VIT: variants seen among roughly 807,000 people sequenced by gnomAD.
VIT encodes vitrin.
In VIT, 99 loss-of-function variants were observed where a neutral mutation model predicts 78.0. The observed-to-expected ratio is 1.27, with a 90% CI of 1.08 to 1.50. VIT has a LOEUF of 1.50. Ranked by LOEUF, VIT falls within the 40% of genes most tolerant of loss-of-function variation. The probability of loss-of-function intolerance (pLI) is 0.00; values close to 1 mark genes in which losing one functional copy is unlikely to be tolerated. For missense variants in VIT, 1,126 were observed against 875.3 expected (o/e 1.29, Z -3.61); for synonymous variants, 374 against 334.3 (o/e 1.12, Z -1.29).
chr2:36,740,772 GAA>G (rs1197806146), intron 3 of VIT, among the ~76,000 whole-genome samples: 1 of 152,192 alleles, frequency 6.6e-6, no homozygotes, highest in Non-Finnish European at 1.5e-5. Context: ...AGAAAGGAGG[GAA>G]AATTGATTAG....
chr2:36,754,885 T>C (rs113917406), intron 4 of VIT, 36 bp from the exon 5 acceptor site: 1 of 1,598,598 alleles, frequency 6.3e-7, no homozygotes, highest in East Asian at 2.3e-5. Context: ...AAAATATTTC[T>C]GTTCTTTCCT....
chr2:36,737,277 G>T (rs1429656307), intron 3 of VIT, among the ~76,000 whole-genome samples: 1 of 152,174 alleles, frequency 6.6e-6, no homozygotes, highest in Non-Finnish European at 1.5e-5. Flanking sequence ...GGCAAGGTTG[G>T]GTTTAAGCAC....
chr2:36,790,595 G>C (rs1344881881), intron 12 of VIT, among the ~76,000 whole-genome samples: 2 of 152,322 alleles, frequency 1.3e-5, no homozygotes, highest in East Asian at 3.9e-4. Context: ...TTTTGATACA[G>C]AGTCAGAGAG....
chr2:36,783,190 T>G (rs1184505637), intron 10 of VIT, 150 bp from the exon 11 acceptor site: 4 of 583,334 alleles, frequency 6.9e-6, no homozygotes, highest in Non-Finnish European at 6.1e-6. Flanking sequence ...ATTATTTTTC[T>G]CAGGATGGGG....
At chr2:36,719,240 T>C (rs2148457452) in intron 2 of VIT, among the ~76,000 whole-genome samples, 1 of 152,264 alleles carries the variant, frequency 6.6e-6, no homozygotes, top group African/African-American at 2.4e-5. Flanking sequence ...TCATAATCAA[T>C]GGTGAAAACC....
intron 5 of VIT, among the ~76,000 whole-genome samples, chr2:36,755,737 ATT>A (rs1668720237): frequency 6.6e-6 from 1 of 152,014 alleles, no homozygotes; most frequent in South Asian, 2.1e-4. Flanking sequence ...TTCCTTCCAC[ATT>A]TGTTAGCTAG....
Position 36,805,577 on chromosome 2 carries a change from G to C in VIT, c.1302G>C (p.Glu434Asp). The C allele has an allele frequency of 6.2e-7, 1 of 1,614,188 alleles. No individual in the cohort carries two copies. Among genetic ancestry groups the C allele is most frequent in the Non-Finnish European group, 8.5e-7 (1 of 1,180,040 alleles). Residue 434 changes from glutamate (E) to aspartate (D), a missense_variant, in exon 14 of 16, where the codon GAG (glutamate) becomes GAC (aspartate). Glu to Asp is a conservative substitution (Grantham distance 45). Transcript: ENST00000379242. The stretch of plus-strand genomic sequence containing the variant: ...AGGAGGCTTCAAGACTTGCGAGAGA[G>C]TCAGGAATCAACATTTTCTTCATCA... ...KVEEASRLAR[E>D]SGINIFFITI...
At chr2:36,740,957 G>C (rs1308483208) in intron 3 of VIT, among the ~76,000 whole-genome samples, 1 of 152,168 alleles carries the variant, frequency 6.6e-6, no homozygotes, top group Non-Finnish European at 1.5e-5. Context: ...AAAATATTTA[G>C]TTGGTCTGAC....
chr2:36,708,118 C>A (rs938341861), intron 1 of VIT, among the ~76,000 whole-genome samples: 8 of 149,398 alleles, frequency 5.4e-5, no homozygotes, highest in South Asian at 2.1e-4. Context: ...CCTCCCCCCC[C>A]CGCCCACCTA....
At chr2:36,768,918 T>G (rs1168720394) in intron 7 of VIT, among the ~76,000 whole-genome samples, 1 of 152,196 alleles carries the variant, frequency 6.6e-6, no homozygotes, top group Non-Finnish European at 1.5e-5. Context: ...TATGCTATTT[T>G]ATGGACGACT....
intron 15 of VIT, among the ~76,000 whole-genome samples, chr2:36,811,459 T>A (rs1667162440): frequency 6.6e-6 from 1 of 152,182 alleles, no homozygotes; most frequent in Non-Finnish European, 1.5e-5. Context: ...CTTAATGAAC[T>A]AGGACCAAAA....
chr2:36,804,772 G>A (rs1666584280), intron 13 of VIT, among the ~76,000 whole-genome samples: 2 of 152,018 alleles, frequency 1.3e-5, no homozygotes, highest in South Asian at 4.2e-4. Flanking sequence ...GGAGGTTGCA[G>A]TGAGTCGAGA....
At chr2:36,699,513 G>A (rs6760002) in intron 1 of VIT, among the ~76,000 whole-genome samples, 124,510 of 150,954 alleles carry the variant, frequency 0.82, 52,268 homozygotes, top group Middle Eastern at 0.95. Context: ...CAATTAGAGG[G>A]GGTTATATAT....
intron 12 of VIT, among the ~76,000 whole-genome samples, chr2:36,790,462 C>T (rs1665411808): frequency 6.6e-6 from 1 of 152,160 alleles, no homozygotes; most frequent in Non-Finnish European, 1.5e-5. Context: ...CACCATGGAA[C>T]TGGGCAAGCA....
rs1193950714 is a variant in VIT, at chr2:36,716,430, C to T, written c.52+8C>T. On this transcript the variant is annotated splice_region_variant and intron_variant, in intron 2 of 15. Coordinates refer to ENST00000379242, the MANE Select transcript of VIT (RefSeq NM_053276.4). ...TTATTGAAATGTTCCTTGGTAAGTACTTTTATATGTGTATCTGGATACCCT... is the reference window on the plus strand; with the variant it reads ...TTATTGAAATGTTCCTTGGTAAGTATTTTTATATGTGTATCTGGATACCCT... 1 of 1,613,302 alleles carries T rather than the reference C, an allele frequency of 6.2e-7. No homozygotes were observed. The highest frequency in any genetic ancestry group is 1.3e-5 in the African/African-American group (1 of 74,896).
chr2:36,710,095 G>A (rs1288549913), intron 1 of VIT, among the ~76,000 whole-genome samples: 1 of 152,164 alleles, frequency 6.6e-6, no homozygotes, highest in Non-Finnish European at 1.5e-5. Flanking sequence ...ATATAATGAA[G>A]CTCTGCAGAC....
chr2:36,798,930 GTCACGCCCAGC>G (rs2148660861), intron 12 of VIT, among the ~76,000 whole-genome samples: 1 of 152,256 alleles, frequency 6.6e-6, no homozygotes, highest in East Asian at 1.9e-4. Flanking sequence ...TGATAGGAAG[GTCACGCCCAGC>G]TCAACACCCC....
At chr2:36,760,838 G>A (rs1669073101) in intron 6 of VIT, among the ~76,000 whole-genome samples, 1 of 152,196 alleles carries the variant, frequency 6.6e-6, no homozygotes, top group Non-Finnish European at 1.5e-5. Flanking sequence ...AGAGCCATGG[G>A]AACAGCCAGG....
At chr2:36,758,287 G>T (rs1668887027) in intron 5 of VIT, among the ~76,000 whole-genome samples, 1 of 152,038 alleles carries the variant, frequency 6.6e-6, no homozygotes, top group African/African-American at 2.4e-5. Flanking sequence ...CTTGCCTTCA[G>T]GGGGCTTACT....
Sources: allele counts gnomAD v4.1 joint callset (sites outside exome capture counted in the v4.1 genomes callset), GRCh38; gene constraint gnomAD v4.1.1; transcripts MANE v1.5; gene names NCBI Gene and HGNC (gene_info 2026-07-23, HGNC 2026-07-21).